Variants in SNX30 observed in about 807,000 individuals in gnomAD.
The protein encoded by SNX30 is sorting nexin-30.
A neutral mutation model predicts 46.4 loss-of-function variants in SNX30; 24 were observed. The observed-to-expected ratio is 0.52, with a 90% CI of 0.37 to 0.73. The LOEUF (loss-of-function observed/expected upper bound fraction) is 0.73, where lower values mean the gene tolerates loss of function less well. Among genes scored for constraint, SNX30 ranks in the 30% least tolerant of loss-of-function variants. SNX30 has a pLI of 0.00. For missense variants in SNX30, 533 were observed against 555.7 expected, an observed-to-expected ratio of 0.96 and a Z score of 0.41; for synonymous variants, 189 against 211.5, an observed-to-expected ratio of 0.89 and a Z score of 0.92.
chr9:112,836,504 G>A (rs1840753769), intron 5 of SNX30, 95 bp downstream of exon 5: 1 of 1,354,174 alleles, frequency 7.4e-7, no homozygotes, highest in Non-Finnish European at 1.0e-6. Flanking sequence ...GCAAAATGCT[G>A]GAGTGACAGA....
At chr9:112,766,728 C>G (rs2131358281) in intron 1 of SNX30, among the ~76,000 whole-genome samples, 1 of 152,320 alleles carries the variant, frequency 6.6e-6, no homozygotes, top group East Asian at 1.9e-4. Context: ...CTTTTGGTGA[C>G]TGGCTTATTT....
chr9:112,789,045 C>T (rs111570901), intron 1 of SNX30, among the ~76,000 whole-genome samples: 1,668 of 152,304 alleles, frequency 0.011, 26 homozygotes, highest in African/African-American at 0.037. Flanking sequence ...ATCCTCCTGC[C>T]TTGGCCTCCC....
upstream of SNX30, among the ~76,000 whole-genome samples, chr9:112,750,680 C>T (rs967028857): frequency 6.6e-6 from 1 of 151,500 alleles, no homozygotes; most frequent in Non-Finnish European, 1.5e-5. Flanking sequence ...CCCGCCCTCC[C>T]CGCCCCCTCC....
At position 112,763,846 on chromosome 9, in the gene SNX30, T is replaced by TAA. The variant is rs60051703; in HGVS notation, c.156+12707_156+12708dup. 5.5e-3 allele frequency among the ~76,000 whole-genome samples: 678 copies of TAA among 123,576 alleles called. 6 individuals carry two copies. The highest frequency in any genetic ancestry group is 0.019 in the African/African-American group (640 of 33,960). 81.1% of individuals were successfully genotyped at this position (123,576 alleles called of 152,430 possible). ...CCTGGTGACAGAGTGAGACTCTGAC[T>TAA]AAAAAAAAAAAAAAAAAAATTATTT... On this transcript the variant is annotated intron_variant, in intron 1 of 8. Transcript: ENST00000374232.
chr9:112,843,503 G>T (rs147498351), intron 6 of SNX30, among the ~76,000 whole-genome samples: 1 of 152,032 alleles, frequency 6.6e-6, no homozygotes, highest in African/African-American at 2.4e-5. Context: ...TGCAAAGTCC[G>T]AAAGCTGAAA....
At chr9:112,875,195 T>G (rs1271793087), downstream of SNX30, 1 of 152,202 alleles carries the variant, frequency 6.6e-6, no homozygotes, top group Non-Finnish European at 1.5e-5. Context: ...ATTTACCCTC[T>G]TCTACATCTT....
intron 5 of SNX30, among the ~76,000 whole-genome samples, chr9:112,880,864 C>T (rs956844868): frequency 3.3e-5 from 5 of 152,118 alleles, no homozygotes; most frequent in African/African-American, 4.8e-5. Context: ...GAAGGAACTT[C>T]TCTTACTCCA....
intron 2 of SNX30, among the ~76,000 whole-genome samples, chr9:112,806,006 T>A (rs1840219384): frequency 6.6e-6 from 1 of 152,230 alleles, no homozygotes; most frequent in Non-Finnish European, 1.5e-5. Context: ...AAATTATTTT[T>A]TGAATATTTA....
At chr9:112,809,651 C>T (rs1440128637) in intron 2 of SNX30, among the ~76,000 whole-genome samples, 1 of 152,044 alleles carries the variant, frequency 6.6e-6, no homozygotes, top group Non-Finnish European at 1.5e-5. Context: ...AATGCTGCTC[C>T]GAGGCTGAAT....
chr9:112,797,053 G>C (rs1292512671), intron 1 of SNX30, among the ~76,000 whole-genome samples: 1 of 152,156 alleles, frequency 6.6e-6, no homozygotes, highest in African/African-American at 2.4e-5. Context: ...ATATTCTTTA[G>C]TCTCTGTTTC....
At chr9:112,878,736 C>A (rs1841543903), downstream of SNX30, 1 of 152,210 alleles carries the variant, frequency 6.6e-6, no homozygotes, top group Non-Finnish European at 1.5e-5. Flanking sequence ...TAGCATGGGG[C>A]CTGGACCTTA....
At chr9:112,818,124 G>A (rs945381202) in intron 3 of SNX30, among the ~76,000 whole-genome samples, 6 of 151,614 alleles carry the variant, frequency 4.0e-5, no homozygotes, top group East Asian at 1.9e-4. Flanking sequence ...TTGAAGCAAC[G>A]TGACATTTAT....
At chr9:112,855,706 C>A (rs1841114899) in intron 7 of SNX30, among the ~76,000 whole-genome samples, 2 of 152,144 alleles carry the variant, frequency 1.3e-5, no homozygotes. Flanking sequence ...TGTGGTTGGG[C>A]TGAGGCTGGA....
At position 112,835,758 on chromosome 9, in the gene SNX30, T is replaced by C. The variant is rs114937868; in HGVS notation, c.619-456T>C. ...CCTGAGTTTTCTAGCAATGTTTTTCTGCCACTGTTTCCTGCTTTCCACCCT... is the reference window on the plus strand; with the variant it reads ...CCTGAGTTTTCTAGCAATGTTTTTCCGCCACTGTTTCCTGCTTTCCACCCT... On this transcript the variant is annotated intron_variant, in intron 4 of 8. Transcript: ENST00000374232. 6.5e-3 allele frequency among the ~76,000 whole-genome samples: 991 copies of C among 152,364 alleles called. 15 individuals carry two copies. The highest frequency in any genetic ancestry group is 0.023 in the African/African-American group (940 of 41,594).
chr9:112,783,620 C>G (rs1839878445), intron 1 of SNX30, among the ~76,000 whole-genome samples: 1 of 152,204 alleles, frequency 6.6e-6, no homozygotes, highest in South Asian at 2.1e-4. Context: ...GGGCAATCAG[C>G]TGTCCACCTT....
chr9:112,793,635 G>A (rs1365709832), intron 1 of SNX30, among the ~76,000 whole-genome samples: 2 of 152,108 alleles, frequency 1.3e-5, no homozygotes, highest in East Asian at 1.9e-4. Flanking sequence ...AAGTAACTTC[G>A]GTGACATGGG....
In SNX30 at chr9:112,781,094, TG is replaced by T. The variant is rs34723635; in HGVS notation, c.157-23680del. ...CTTTGAAAAAGCCATTTTATTTTGG[TG>T]GTGGTGTCCTGAATATATTTTTAGT... On this transcript the variant is annotated intron_variant, in intron 1 of 8. Coordinates refer to ENST00000374232, the MANE Select transcript of SNX30 (RefSeq NM_001012994.2). 3.6e-3 allele frequency among the ~76,000 whole-genome samples: 547 copies of T among 152,338 alleles called. 6 individuals carry two copies. Among genetic ancestry groups the T allele is most frequent in the African/African-American group, 0.012 (509 of 41,570 alleles).
intron 6 of SNX30, among the ~76,000 whole-genome samples, chr9:112,840,974 GGATGGTCTC>G (rs1840847728): frequency 6.6e-6 from 1 of 151,132 alleles, no homozygotes; most frequent in Non-Finnish European, 1.5e-5. Context: ...GTGTCAGCCA[GGATGGTCTC>G]GATCTCCTGA....
intron 4 of SNX30, among the ~76,000 whole-genome samples, chr9:112,834,839 C>A (rs865935781): frequency 9.2e-5 from 10 of 108,408 alleles, no homozygotes; most frequent in Non-Finnish European, 1.5e-4. Context: ...CACACACACA[C>A]ACAAACACAC....
Sources: gnomAD v4.1 joint callset for allele counts (sites outside exome capture counted in the v4.1 genomes callset) on GRCh38, gnomAD v4.1.1 for gene constraint, MANE v1.5 for transcripts, NCBI Gene and HGNC (gene_info 2026-07-23, HGNC 2026-07-21) for gene names.